Variants in NTM observed in about 807,000 individuals in gnomAD.
The protein encoded by NTM is neurotrimin, also known as IgLON family member 2.
Under a neutral mutation model 42.1 loss-of-function variants are expected in NTM, and 13 were observed. That is an observed-to-expected ratio of 0.31 (90% CI 0.20 to 0.49). NTM has a LOEUF of 0.49. Among genes scored for constraint, NTM ranks in the 20% least tolerant of loss-of-function variants. NTM has a pLI of 0.99. For missense variants in NTM, 373 were observed against 452.8 expected (o/e 0.82, Z 1.60); for synonymous variants, 187 against 179.2 (o/e 1.04, Z -0.35).
At chr11:131,831,567 A>G (rs1417992553) in intron 1 of NTM, among the ~76,000 whole-genome samples, 1 of 152,184 alleles carries the variant, frequency 6.6e-6, no homozygotes, top group Non-Finnish European at 1.5e-5. Context: ...CAGGGCTCCA[A>G]GCAATTTGTA....
At chr11:132,312,181 G>T (rs2095300694) in intron 6 of NTM, among the ~76,000 whole-genome samples, 2 of 152,196 alleles carry the variant, frequency 1.3e-5, no homozygotes, top group African/African-American at 4.8e-5. Flanking sequence ...CTGCCAGGTA[G>T]GTCTCCCAAG....
intron 1 of NTM, among the ~76,000 whole-genome samples, chr11:131,587,587 G>T (rs1487301752): frequency 1.3e-5 from 2 of 152,070 alleles, no homozygotes; most frequent in African/African-American, 4.8e-5. Flanking sequence ...AAAAATTGAT[G>T]AATAATATAG....
intron 1 of NTM, among the ~76,000 whole-genome samples, chr11:131,811,246 G>A (rs10894450): frequency 0.11 from 17,251 of 152,162 alleles, 1,193 homozygotes; most frequent in East Asian, 0.28. Context: ...GTCCTTAGAA[G>A]AATTCTAAGT....
chr11:131,576,900 A>G (rs748976683), intron 1 of NTM, among the ~76,000 whole-genome samples: 1 of 152,244 alleles, frequency 6.6e-6, no homozygotes, highest in Non-Finnish European at 1.5e-5. Context: ...CACCAATGAT[A>G]TGGTTATTGC....
intron 7 of NTM, among the ~76,000 whole-genome samples, chr11:132,325,146 C>T (rs1024487465): frequency 1.3e-5 from 2 of 152,082 alleles, no homozygotes; most frequent in Admixed American, 6.5e-5. Flanking sequence ...AAAGCAATGG[C>T]AACAAAAGCC....
At chr11:131,703,470 A>G (rs1161547751) in intron 1 of NTM, among the ~76,000 whole-genome samples, 2 of 152,240 alleles carry the variant, frequency 1.3e-5, no homozygotes, top group Non-Finnish European at 2.9e-5. Context: ...AATGGATGAA[A>G]GACTGATGAA....
In NTM at chr11:132,070,895, G is replaced by A. The variant is rs1342748220; in HGVS notation, c.168-75387G>A. 5.0e-5 allele frequency among the ~76,000 whole-genome samples: 7 copies of A among 139,730 alleles called. 1 individual carries two copies. Among genetic ancestry groups the A allele is most frequent in the Admixed American group, 2.8e-4 (4 of 14,098 alleles). The allele number at this position is 139,730 out of a possible 152,430, so 91.7% of individuals were successfully genotyped here. Reference sequence around the variant, plus strand: ...ACACGTCACTCAGCCAAGTTAACACGTCACACTGACCGTCACAGGTTAGTT... The same window carrying A: ...ACACGTCACTCAGCCAAGTTAACACATCACACTGACCGTCACAGGTTAGTT... On this transcript the variant is annotated intron_variant, in intron 2 of 8. Coordinates refer to ENST00000683400, the MANE Select transcript of NTM (RefSeq NM_001352005.2).
rs1208069296 is a variant in NTM, at chr11:132,002,672, C to G, written c.167+91024C>G. On this transcript the variant is annotated intron_variant, in intron 2 of 8. Transcript: ENST00000683400. This position sits in a 1 kb window ranked among gnomAD's most constrained non-coding sequence, Gnocchi z 4.5. The stretch of plus-strand genomic sequence containing the variant: ...TATCCATGCTTCTCCTGAATCATTC[C>G]TCTCGTTAGGAATGTCAGTCTACTA... Among the ~76,000 whole-genome samples the G allele has an allele frequency of 2.6e-5, 4 of 152,086 alleles. No homozygotes were observed. The highest frequency in any genetic ancestry group is 9.7e-5 in the African/African-American group (4 of 41,390).
chr11:132,076,325 A>G (rs78205256), intron 2 of NTM, among the ~76,000 whole-genome samples: 2,300 of 152,268 alleles, frequency 0.015, 72 homozygotes, highest in African/African-American at 0.053. Context: ...ATAAAAATTC[A>G]CTTACCAGAT....
At chr11:131,928,591 G>A (rs112245935) in intron 2 of NTM, among the ~76,000 whole-genome samples, 1 of 144,476 alleles carries the variant, frequency 6.9e-6, no homozygotes, top group Admixed American at 7.0e-5. Flanking sequence ...TTGTCCCACT[G>A]CAAACTCTGT....
At chr11:132,110,976 G>A (rs1164494388) in intron 2 of NTM, among the ~76,000 whole-genome samples, 1 of 147,560 alleles carries the variant, frequency 6.8e-6, no homozygotes, top group Non-Finnish European at 1.5e-5. Context: ...TCTAAGGCAA[G>A]AGGATTGAAA....
chr11:131,373,461 C>A (rs1224305114), intron 1 of NTM, among the ~76,000 whole-genome samples: 1 of 152,052 alleles, frequency 6.6e-6, no homozygotes, highest in African/African-American at 2.4e-5. Flanking sequence ...AACCAGCAAC[C>A]AAGATCCAGC....
intron 1 of NTM, among the ~76,000 whole-genome samples, chr11:131,859,888 G>A (rs1277564020): frequency 6.6e-6 from 1 of 151,374 alleles, no homozygotes; most frequent in Admixed American, 6.6e-5. Context: ...CTCTTTCTGA[G>A]ACTATTAAAG....
intron 1 of NTM, among the ~76,000 whole-genome samples, chr11:131,906,670 G>C (rs2053904600): frequency 6.6e-6 from 1 of 152,096 alleles, no homozygotes; most frequent in Admixed American, 6.6e-5. Context: ...TGACTTTTCT[G>C]TCTACCTCCG....
At position 131,690,738 on chromosome 11, in the gene NTM, C is replaced by T. The variant is rs570420117; in HGVS notation, c.83-220826C>T. On this transcript the variant is annotated intron_variant, in intron 1 of 8. Transcript: ENST00000683400. ...CAGGACGTGGGTGCTAAGCGTAGGC[C>T]GTGGCCCACATCCTTGGGGAACAAA... 1.7e-3 allele frequency among the ~76,000 whole-genome samples: 262 copies of T among 152,298 alleles called. 1 individual carries two copies. Among genetic ancestry groups the T allele is most frequent in the African/African-American group, 6.2e-3 (256 of 41,570 alleles).
At position 132,146,289 on chromosome 11, in the gene NTM, A is replaced by G. The variant is rs533353213; in HGVS notation, c.175A>G (p.Ile59Val). Residue 59 changes from isoleucine (I) to valine (V), a missense_variant, in exon 3 of 9, where the codon ATT (isoleucine) becomes GTT (valine). By Grantham distance (29) the Ile-to-Val change is conservative. Coordinates refer to ENST00000683400, the MANE Select transcript of NTM (RefSeq NM_001352005.2). The surrounding 1 kb of genome is among the most constrained non-coding windows in gnomAD (Gnocchi z 4.5). The stretch of plus-strand genomic sequence containing the variant: ...GTCTGGTCTTCCCTTCAGGTGCACT[A>G]TTGACAACCGGGTCACCCGGGTGGC... ...QGESATLRCTIDNRVTRVAWL... is the reference protein window; with the variant it reads ...QGESATLRCTVDNRVTRVAWL... The G allele has an allele frequency of 2.9e-5, 47 of 1,614,172 alleles. No individual in the cohort carries two copies. The African/African-American group carries it at 3.1e-4, about 11-fold the overall frequency.
intron 1 of NTM, among the ~76,000 whole-genome samples, chr11:131,526,111 G>A (rs1452194612): frequency 6.6e-6 from 1 of 152,192 alleles, no homozygotes; most frequent in Non-Finnish European, 1.5e-5. Flanking sequence ...AAGAACTATT[G>A]ACCCATTTCA....
At chr11:131,464,940 A>G (rs903242010) in intron 1 of NTM, among the ~76,000 whole-genome samples, 1 of 152,122 alleles carries the variant, frequency 6.6e-6, no homozygotes, top group African/African-American at 2.4e-5. Flanking sequence ...TGTTTCTAGA[A>G]CTGTGATTTA....
At chr11:132,132,510 G>A (rs2067007591) in intron 2 of NTM, among the ~76,000 whole-genome samples, 1 of 152,138 alleles carries the variant, frequency 6.6e-6, no homozygotes, top group South Asian at 2.1e-4. Flanking sequence ...GTGTAATGTT[G>A]AACATAGTGA....
Sources: gnomAD v4.1 joint callset for allele counts (sites outside exome capture counted in the v4.1 genomes callset) on GRCh38, gnomAD v4.1.1 for gene constraint, Gnocchi (gnomAD v3.1) non-coding constraint, MANE v1.5 for transcripts, NCBI Gene and HGNC (gene_info 2026-07-23, HGNC 2026-07-21) for gene names.